UGT1A9: variants seen among roughly 807,000 people sequenced by gnomAD.
UGT1A9 encodes the protein UDP-glucuronosyltransferase 1A9.
Under a neutral mutation model 45.0 loss-of-function variants are expected in UGT1A9, and 35 were observed. The observed-to-expected ratio is 0.78, with a 90% CI of 0.59 to 1.03. The LOEUF is 1.03. UGT1A9 is among the 50% of genes least tolerant of loss of function. The pLI is 0.00. For synonymous variants in UGT1A9, 278 were observed against 250.6 expected, an observed-to-expected ratio of 1.11 and a Z score of -1.03; for missense variants, 687 against 666.6, an observed-to-expected ratio of 1.03 and a Z score of -0.34.
intron 1 of UGT1A9, chr2:233,690,668 A>G (rs2075002528): frequency 3.2e-6 from 4 of 1,269,734 alleles, no homozygotes; most frequent in South Asian, 1.3e-5. Flanking sequence ...CAACCAGGGC[A>G]GGCCTGGGTC....
chr2:233,677,320 A>G (rs2074387252), intron 1 of UGT1A9, among the ~76,000 whole-genome samples: 1 of 152,068 alleles, frequency 6.6e-6, no homozygotes, highest in African/African-American at 2.4e-5. Context: ...TCAAGTGTTC[A>G]TTGCTAGTAT....
At position 233,729,426 on chromosome 2, in the gene UGT1A9, C is replaced by T. The variant is rs141561137; in HGVS notation, c.856-37608C>T. On this transcript the variant is annotated intron_variant, in intron 1 of 4. Coordinates refer to ENST00000354728, the MANE Select transcript of UGT1A9 (RefSeq NM_021027.3). The stretch of plus-strand genomic sequence containing the variant: ...ATGTGCTGGGCCACACTCAACTGTA[C>T]TTTGAAACAGAACATTTTCTGAAGA... The T allele has an allele frequency of 1.1e-4, 183 of 1,613,828 alleles. 1 individual carries two copies. The African/African-American group carries it at 2.1e-3, about 19-fold the overall frequency.
intron 1 of UGT1A9, among the ~76,000 whole-genome samples, chr2:233,678,285 A>T (rs2074413420): frequency 6.6e-6 from 1 of 152,224 alleles, no homozygotes; most frequent in African/African-American, 2.4e-5. Flanking sequence ...GGTAACCTGC[A>T]CATGTACTCC....
At chr2:233,757,538 ATAT>A in intron 1 of UGT1A9, among the ~76,000 whole-genome samples, 1 of 109,754 alleles carries the variant, frequency 9.1e-6, no homozygotes, top group African/African-American at 4.4e-5. Context: ...TGTAAGGAAT[ATAT>A]ATATATATAT....
intron 1 of UGT1A9, chr2:233,692,094 C>T (rs1233330203): frequency 1.3e-5 from 2 of 152,126 alleles, no homozygotes; most frequent in African/African-American, 4.8e-5. Context: ...TTGATTTGAT[C>T]ACCGATGGGC....
rs61261057 is a variant in UGT1A9 at position 233,682,280 on chromosome 2, G to A, written c.855+9491G>A. 1.0e-3 allele frequency: 1,651 copies of A among 1,614,068 alleles called. 19 individuals carry two copies. The African/African-American group carries it at 0.02, about 19-fold the overall frequency. ...TTCTCTATTAACAAGTTCATCCAAT[G>A]GTATTTTTGACTTATTTTTTTCAAA... On this transcript the variant is annotated intron_variant, in intron 1 of 4. Coordinates refer to ENST00000354728, the MANE Select transcript of UGT1A9 (RefSeq NM_021027.3).
At chr2:233,680,429 T>A (rs944633496) in intron 1 of UGT1A9, among the ~76,000 whole-genome samples, 3 of 152,206 alleles carry the variant, frequency 2.0e-5, no homozygotes, top group Non-Finnish European at 2.9e-5. Flanking sequence ...TAGTGTAGTA[T>A]GTACTAGAGG....
At chr2:233,682,834 T>G in intron 1 of UGT1A9, 1 of 1,552,986 alleles carries the variant, frequency 6.4e-7, no homozygotes, top group South Asian at 1.2e-5. Flanking sequence ...TAATCTGGCT[T>G]TGGAAATTAA....
Position 233,769,872 on chromosome 2 carries a change from A to G in UGT1A9, c.1295+1433A>G. 2.2e-6 allele frequency: 1 copy of G among 452,556 alleles called. No individual in the cohort carries two copies. The highest frequency in any genetic ancestry group is 3.7e-6 in the Non-Finnish European group (1 of 267,272). The allele number at this position is 452,556 out of a possible 1,614,324, so 28.0% of individuals were successfully genotyped here. A position where few individuals can be genotyped will look rare whatever the true frequency, so the allele number is the denominator to read the frequency against. ...GACCCTGTCTCAAAAAAAAAAAAAA[A>G]AATGAAAAGTCCACATAACCTGAGC... On this transcript the variant is annotated intron_variant, in intron 4 of 4. Coordinates refer to ENST00000354728, the MANE Select transcript of UGT1A9 (RefSeq NM_021027.3). The surrounding 1 kb of genome is among the most constrained non-coding windows in gnomAD (Gnocchi z 4.4).
At chr2:233,724,150 G>A (rs2077177057) in intron 1 of UGT1A9, among the ~76,000 whole-genome samples, 3 of 120,556 alleles carry the variant, frequency 2.5e-5, no homozygotes, top group Non-Finnish European at 5.1e-5. Flanking sequence ...GCGGCTGGCC[G>A]GGTGGGGGGG....
intron 1 of UGT1A9, among the ~76,000 whole-genome samples, chr2:233,715,537 C>T (rs532391786): frequency 4.5e-4 from 69 of 152,064 alleles, no homozygotes; most frequent in African/African-American, 1.4e-3. Context: ...TTTGGGAGAC[C>T]GAGGGAGGAG....
intron 1 of UGT1A9, among the ~76,000 whole-genome samples, chr2:233,757,422 GAAGAA>G (rs1401063463): frequency 6.6e-6 from 1 of 151,344 alleles, no homozygotes; most frequent in African/African-American, 2.4e-5. Flanking sequence ...AACGAAAAGA[GAAGAA>G]AAGTCACTTC....
intron 1 of UGT1A9, among the ~76,000 whole-genome samples, chr2:233,673,304 G>A (rs188982794): frequency 2.6e-4 from 40 of 152,152 alleles, no homozygotes; most frequent in Middle Eastern, 3.4e-3. Flanking sequence ...GACCAATACA[G>A]ACAGATTTGA....
intron 1 of UGT1A9, chr2:233,755,525 C>T (rs1695949883): frequency 6.3e-6 from 1 of 159,908 alleles, no homozygotes; most frequent in South Asian, 1.8e-4. Flanking sequence ...CTCCGGCCTC[C>T]AACCAGCCAT....
intron 1 of UGT1A9, among the ~76,000 whole-genome samples, chr2:233,757,480 T>G (rs935196749): frequency 1.4e-5 from 2 of 146,296 alleles, no homozygotes; most frequent in African/African-American, 5.1e-5. Context: ...TCCAAAACCA[T>G]GGACTGGCAC....
chr2:233,749,529 C>T (rs575946575), intron 1 of UGT1A9, among the ~76,000 whole-genome samples: 6 of 151,916 alleles, frequency 3.9e-5, no homozygotes, highest in African/African-American at 9.7e-5. Context: ...GGCTAATTTT[C>T]GAGTGTGGTA....
rs112628426 is a variant in UGT1A9 at position 233,767,948 on chromosome 2, G to A, written c.1075+12G>A. ...AAACGATCTGCTTGGTATGTTGGGC[G>A]GATTGGATGTATAGGTCAAACCAGG... On this transcript the variant is annotated intron_variant, in intron 3 of 4. Transcript: ENST00000354728. 87 of 1,614,164 alleles carry A rather than the reference G, an allele frequency of 5.4e-5. No individual in the cohort carries two copies. The highest frequency in any genetic ancestry group is 6.2e-5 in the Non-Finnish European group (73 of 1,180,040).
At position 233,672,458 on chromosome 2, in the gene UGT1A9, A is replaced by G. The variant is rs754827067; in HGVS notation, c.524A>G (p.His175Arg). The G allele has an allele frequency of 2.0e-5, 32 of 1,613,800 alleles. No individual in the cohort carries two copies. In the South Asian group the frequency reaches 3.2e-4, roughly 16 times the overall value. The part of the protein sequence containing the change: ...SVVFARGILC[H>R]YLEEGAQCPA... ...GTCTTCGCCAGGGGAATACTTTGCC[A>G]CTATCTTGAAGAAGGTGCACAGTGC... Residue 175 changes from histidine to arginine, a missense_variant, in exon 1 of 5, where the codon CAC becomes CGC. Physicochemically the swap from His to Arg is conservative, Grantham distance 29. Transcript: ENST00000354728.
At chr2:233,724,615 G>A (rs2077289109) in intron 1 of UGT1A9, among the ~76,000 whole-genome samples, 1 of 137,470 alleles carries the variant, frequency 7.3e-6, no homozygotes, top group South Asian at 2.8e-4. Flanking sequence ...GCCGGGCAGA[G>A]ACGCTCCTCA....
Sources: allele counts gnomAD v4.1 joint callset (sites outside exome capture counted in the v4.1 genomes callset), GRCh38; gene constraint gnomAD v4.1.1; non-coding constraint Gnocchi (gnomAD v3.1); transcripts MANE v1.5; gene names NCBI Gene and HGNC (gene_info 2026-07-23, HGNC 2026-07-21).